Variants in NPR1 observed in about 807,000 individuals in gnomAD.
The protein encoded by NPR1 is natriuretic peptide receptor 1, also known as atrial natriuretic peptide receptor 1.
NPR1 carries 57 observed loss-of-function variants against 116.9 expected under a neutral mutation model. That is an observed-to-expected ratio of 0.49 (90% CI 0.39 to 0.61). The LOEUF (loss-of-function observed/expected upper bound fraction) is 0.61. Among genes scored for constraint, NPR1 ranks in the 20% least tolerant of loss-of-function variants. NPR1 has a pLI of 0.00. For synonymous variants in NPR1, 555 were observed against 601.6 expected (o/e 0.92, Z 1.13); for missense variants, 1,096 against 1,409.8 (o/e 0.78, Z 3.56).
At position 153,682,563 on chromosome 1, in the gene NPR1, A is replaced by G; in HGVS notation, c.1237A>G (p.Met413Val). The stretch of plus-strand genomic sequence containing the variant: ...GGAAACAGACTTCTCCCTCTGGGAT[A>G]TGGATCCCGAGAATGGTGCCTTCAG... ...DRETDFSLWD[M>V]DPENGAFRVV... Residue 413 changes from methionine (M) to valine (V), a missense_variant, in exon 5 of 22, where the codon ATG (methionine) becomes GTG (valine). Physicochemically the swap from Met to Val is conservative, Grantham distance 21 (BLOSUM62 1). Transcript: ENST00000368680. The G allele has an allele frequency of 6.2e-7, 1 of 1,614,022 alleles. No individual in the cohort carries two copies. The highest frequency in any genetic ancestry group is 1.1e-5 in the South Asian group (1 of 91,066).
Position 153,690,289 on chromosome 1 carries a change from G to C in NPR1, c.2938G>C (p.Val980Leu). 1 of 1,556,572 alleles carries C rather than the reference G, an allele frequency of 6.4e-7. No homozygotes were observed. Among genetic ancestry groups the C allele is most frequent in the Non-Finnish European group, 8.7e-7 (1 of 1,148,730 alleles). ...RLRIGIHTGP[V>L]CAGVVGLKMP... ...CCTTCCCTTGCTCCTCCCAGGACCT[G>C]TGTGTGCTGGAGTGGTGGGACTGAA... Residue 980 changes from valine (V) to leucine (L), a missense_variant, in exon 20 of 22, where the codon GTG becomes CTG. Val to Leu is a conservative substitution (Grantham distance 32). Coordinates refer to ENST00000368680, the MANE Select transcript of NPR1 (RefSeq NM_000906.4).
Position 153,679,729 on chromosome 1 carries a change from C to T in NPR1, c.621C>T (p.Val207=), listed in dbSNP as rs1284623802. ...FFLVEGLFMR[V]RDRLNITVDH... ...TCGTGGAGGGGCTGTTCATGCGGGT[C>T]CGCGACCGCCTCAATATTACGGTGG... Residue 207 remains valine, a synonymous_variant, in exon 1 of 22, where the codon GTC becomes GTT. Coordinates refer to ENST00000368680, the MANE Select transcript of NPR1 (RefSeq NM_000906.4). The surrounding 1 kb of genome is among the most constrained non-coding windows in gnomAD (Gnocchi z 4.2). The T allele has an allele frequency of 6.2e-7, 1 of 1,604,518 alleles. No homozygotes were observed. The highest frequency in any genetic ancestry group is 1.7e-5 in the Admixed American group (1 of 59,244).
intron 4 of NPR1, among the ~76,000 whole-genome samples, 189 bp downstream of exon 4, chr1:153,682,028 G>A (rs1252657524): frequency 2.0e-5 from 3 of 151,934 alleles, no homozygotes; most frequent in African/African-American, 7.3e-5. Flanking sequence ...TCCCTGCTGG[G>A]CACTGAGTTC....
At position 153,689,623 on chromosome 1, in the gene NPR1, C is replaced by G. The variant is rs141614878; in HGVS notation, c.2757+102C>G. 4.6e-6 allele frequency: 6 copies of G among 1,292,656 alleles called. No homozygotes were observed. Among genetic ancestry groups the G allele is most frequent in the South Asian group, 1.2e-5 (1 of 81,840 alleles). 80.1% of individuals were successfully genotyped at this position (1,292,656 alleles called of 1,614,324 possible). ...GATGTGGAGTCTTAAGAGAGGAGAT[C>G]GGGGACACGGGCAGAGACAGTGACA... On this transcript the variant is annotated intron_variant, in intron 18 of 21. Coordinates refer to ENST00000368680, the MANE Select transcript of NPR1 (RefSeq NM_000906.4). The surrounding 1 kb of genome is among the most constrained non-coding windows in gnomAD (Gnocchi z 5.1).
Position 153,679,923 on chromosome 1 carries a change from C to T in NPR1, c.721+94C>T, listed in dbSNP as rs891418737. The T allele has an allele frequency of 1.9e-4, 272 of 1,444,378 alleles. No homozygotes were observed. Among genetic ancestry groups the T allele is most frequent in the Middle Eastern group, 1.3e-3 (6 of 4,594 alleles). 89.5% of individuals were successfully genotyped at this position (1,444,378 alleles called of 1,614,324 possible). A position where few individuals can be genotyped will look rare whatever the true frequency, so the allele number is the denominator to read the frequency against. On this transcript the variant is annotated intron_variant, in intron 1 of 21. Transcript: ENST00000368680. This position sits in a 1 kb window ranked among gnomAD's most constrained non-coding sequence, Gnocchi z 4.2. ...CGGGACTTTCTCTCTCATCTGGGGG[C>T]ACTCTTCTTTCTCCTCGCCGTTCTT...
chr1:153,686,294 G>GC, intron 10 of NPR1, 94 bp downstream of exon 10: 1 of 1,231,360 alleles, frequency 8.1e-7, no homozygotes, highest in African/African-American at 1.5e-5. Context: ...GGACCTCAGG[G>GC]TACCCCAAGA....
chr1:153,689,582 GA>G lies in NPR1; in HGVS notation c.2757+62del. 6.7e-7 allele frequency: 1 copy of G among 1,503,276 alleles called. No homozygotes were observed. 93.1% of individuals were successfully genotyped at this position (1,503,276 alleles called of 1,614,324 possible). ...GACATGGACAAGGTCAGAAAAAGAT[GA>G]GGGGTAGGCAGAATGATGTGGAGTC... is the stretch of plus-strand genomic sequence containing the variant. On this transcript the variant is annotated intron_variant, in intron 18 of 21. Coordinates refer to ENST00000368680, the MANE Select transcript of NPR1 (RefSeq NM_000906.4). The surrounding 1 kb of genome is among the most constrained non-coding windows in gnomAD (Gnocchi z 5.1).
At position 153,678,909 on chromosome 1, in the gene NPR1, C is replaced by G. The variant is rs746084694; in HGVS notation, c.-200C>G. ...ACCTGCTCCGCGGCGCCCTGCGCGC[C>G]CCCCTCGGTCGCGCCCCTTGCGCTC... is the stretch of plus-strand genomic sequence containing the variant. On this transcript the variant is annotated 5_prime_UTR_variant, in exon 1 of 22. Coordinates refer to ENST00000368680, the MANE Select transcript of NPR1 (RefSeq NM_000906.4). The surrounding 1 kb of genome is among the most constrained non-coding windows in gnomAD (Gnocchi z 5.8). 93 of 649,702 alleles carry G rather than the reference C, an allele frequency of 1.4e-4. 1 individual carries two copies. The highest frequency in any genetic ancestry group is 1.8e-4 in the Non-Finnish European group (77 of 427,640). The allele number at this position is 649,702 out of a possible 1,614,324, so 40.2% of individuals were successfully genotyped here.
intron 13 of NPR1, 128 bp downstream of exon 13, chr1:153,687,484 A>T: frequency 6.8e-7 from 1 of 1,478,666 alleles, no homozygotes; most frequent in East Asian, 2.3e-5. Flanking sequence ...CCCATGAAAA[A>T]GGGAAGGCCA....
chr1:153,686,620 G>A (rs376819984), intron 10 of NPR1, 26 bp from the exon 11 acceptor site: 1 of 1,600,908 alleles, frequency 6.2e-7, no homozygotes, highest in African/African-American at 1.3e-5. Flanking sequence ...TCTCTGTCAA[G>A]CTCCTGATGC....
Position 153,687,699 on chromosome 1 carries a change from G to A in NPR1, c.2158G>A (p.Gly720Ser). 6.2e-7 allele frequency: 1 copy of A among 1,607,612 alleles called. No homozygotes were observed. Among genetic ancestry groups the A allele is most frequent in the Non-Finnish European group, 8.5e-7 (1 of 1,174,702 alleles). ...ACCCCCTGTGCGGGGCTCCCAGGCTGGTGACGTATACAGCTTTGGGATCAT... is the reference window on the plus strand; with the variant it reads ...ACCCCCTGTGCGGGGCTCCCAGGCTAGTGACGTATACAGCTTTGGGATCAT... ...ASPPVRGSQA[G>S]DVYSFGIILQ... The change falls in exon 14 of 22, where the codon GGT becomes AGT. Residue 720 changes from glycine (G) to serine (S), a missense_variant. Physicochemically the swap from Gly to Ser is moderately conservative, Grantham distance 56. Transcript: ENST00000368680.
At chr1:153,681,526 C>A in intron 3 of NPR1, 178 bp from the exon 4 acceptor site, 1 of 689,152 alleles carries the variant, frequency 1.5e-6, no homozygotes, top group Non-Finnish European at 2.4e-6. Context: ...TAGTAGGATT[C>A]AGGAAGTGAT....
At chr1:153,690,777 AC>A (rs1670086084) in intron 20 of NPR1, among the ~76,000 whole-genome samples, 1 of 151,774 alleles carries the variant, frequency 6.6e-6, no homozygotes, top group African/African-American at 2.4e-5. Flanking sequence ...TCCCGTCTCT[AC>A]TAAAAATACA....
chr1:153,681,414 C>T, intron 3 of NPR1, 121 bp downstream of exon 3: 1 of 685,418 alleles, frequency 1.5e-6, no homozygotes, highest in Admixed American at 2.7e-5. Context: ...TCCCATTGTT[C>T]CATGTTTCTC....
intron 2 of NPR1, 135 bp from the exon 3 acceptor site, chr1:153,681,045 G>A (rs181799538): frequency 1.5e-6 from 1 of 649,130 alleles, no homozygotes; most frequent in Non-Finnish European, 2.8e-6. Context: ...ACTTCATGCA[G>A]GGCATAGGGT....
At position 153,689,022 on chromosome 1, in the gene NPR1, A is replaced by G. The variant is rs770712186; in HGVS notation, c.2487A>G (p.Glu829=). Residue 829 remains glutamate (E), a synonymous_variant, in exon 16 of 22, where the codon GAA becomes GAG. Coordinates refer to ENST00000368680, the MANE Select transcript of NPR1 (RefSeq NM_000906.4). The surrounding 1 kb of genome is among the most constrained non-coding windows in gnomAD (Gnocchi z 5.1). ...RMEQYANNLE[E]LVEERTQAYL... ...AGCAGTACGCGAACAATCTGGAGGA[A>G]CTGGTGGAGGAGCGGACCCAGGCAT... The G allele has an allele frequency of 6.2e-7, 1 of 1,614,200 alleles. No individual in the cohort carries two copies. Among genetic ancestry groups the G allele is most frequent in the African/African-American group, 1.3e-5 (1 of 75,052 alleles).
chr1:153,688,195 C>T lies in NPR1; in HGVS notation c.2391C>T (p.Ile797=). 6.2e-7 allele frequency: 1 copy of T among 1,613,784 alleles called. No homozygotes were observed. The highest frequency in any genetic ancestry group is 8.5e-7 in the Non-Finnish European group (1 of 1,179,808). Residue 797 remains isoleucine, a synonymous_variant, in exon 15 of 22, where the codon ATC becomes ATT. Transcript: ENST00000368680. ...DPQERPPFQQ[I]RLTLRKFNRE... Reference sequence around the variant, plus strand: ...AGGAGAGGCCACCATTCCAGCAGATCCGCCTGACGTTGCGCAAATTTAACA... The same window carrying T: ...AGGAGAGGCCACCATTCCAGCAGATTCGCCTGACGTTGCGCAAATTTAACA...
At chr1:153,690,067 CATCTCTCTCT>C (rs1670054412) in intron 19 of NPR1, 87 bp downstream of exon 19, 3 of 904,364 alleles carry the variant, frequency 3.3e-6, no homozygotes, top group African/African-American at 2.0e-5. Flanking sequence ...CTCGCCCTTT[CATCTCTCTCT>C]CTCTCTCTCT....
chr1:153,683,591 G>A (rs998653632), intron 6 of NPR1, 80 bp downstream of exon 6: 11 of 1,589,014 alleles, frequency 6.9e-6, no homozygotes, highest in Non-Finnish European at 8.6e-6. Flanking sequence ...AGGTGCTCCT[G>A]TCCCATGCTG....
Sources: gnomAD v4.1 joint callset for allele counts (sites outside exome capture counted in the v4.1 genomes callset) on GRCh38, gnomAD v4.1.1 for gene constraint, Gnocchi (gnomAD v3.1) non-coding constraint, MANE v1.5 for transcripts, NCBI Gene and HGNC (gene_info 2026-07-23, HGNC 2026-07-21) for gene names.